Variants in VPS13B observed in about 807,000 individuals in gnomAD.
The protein encoded by VPS13B is vacuolar protein sorting 13 homolog B, also known as intermembrane lipid transfer protein VPS13B.
VPS13B carries 285 observed loss-of-function variants against 426.4 expected under a neutral mutation model. The ratio of observed to expected loss-of-function variants is 0.67; its 90% CI spans 0.61 to 0.74. The LOEUF (loss-of-function observed/expected upper bound fraction) is 0.74. Ranked by LOEUF, VPS13B falls within the 30% of genes least tolerant of loss-of-function variation. The pLI, the probability that VPS13B is intolerant of heterozygous loss-of-function variation, is 0.00. For missense variants in VPS13B, 4,537 were observed against 4,782.6 expected (o/e 0.95, Z 1.51); for synonymous variants, 1,676 against 1,676.4 (o/e 1.00, Z 0.01).
At chr8:99,502,163 T>G (rs1821284308) in intron 26 of VPS13B, among the ~76,000 whole-genome samples, 1 of 152,052 alleles carries the variant, frequency 6.6e-6, no homozygotes, top group Non-Finnish European at 1.5e-5. Context: ...TTTGTATTTT[T>G]AGTAGAGACA....
At chr8:99,747,853 T>A (rs1440492572) in intron 39 of VPS13B, among the ~76,000 whole-genome samples, 1 of 151,994 alleles carries the variant, frequency 6.6e-6, no homozygotes, top group Non-Finnish European at 1.5e-5. Flanking sequence ...ATACTTTTTT[T>A]TTTCTCTTGG....
intron 23 of VPS13B, among the ~76,000 whole-genome samples, chr8:99,443,683 T>G (rs1252004558): frequency 6.6e-6 from 1 of 152,212 alleles, no homozygotes; most frequent in Non-Finnish European, 1.5e-5. Context: ...TATTCCATCT[T>G]ATGGATATAT....
intron 36 of VPS13B, among the ~76,000 whole-genome samples, chr8:99,705,365 A>G (rs762179664): frequency 1.3e-5 from 2 of 152,148 alleles, no homozygotes; most frequent in Non-Finnish European, 2.9e-5. Context: ...CCATAAATGT[A>G]TGAGATACTG....
intron 39 of VPS13B, among the ~76,000 whole-genome samples, chr8:99,722,322 T>C (rs1303266383): frequency 6.6e-6 from 1 of 152,228 alleles, no homozygotes; most frequent in Non-Finnish European, 1.5e-5. Flanking sequence ...ATTTGTTTAC[T>C]TGCGTGTGAT....
intron 2 of VPS13B, among the ~76,000 whole-genome samples, chr8:99,015,331 C>T (rs1192498187): frequency 2.7e-5 from 4 of 150,776 alleles, no homozygotes; most frequent in Non-Finnish European, 5.9e-5. Flanking sequence ...ATTCTCCTGA[C>T]TCAGCCTCCT....
rs552166731 is a variant in VPS13B, at chr8:99,717,025, C to T, written c.6455-146C>T. 5.3e-5 allele frequency: 39 copies of T among 735,730 alleles called. No homozygotes were observed. In the Admixed American group the frequency reaches 6.3e-4, roughly 12 times the overall value. The allele number at this position is 735,730 out of a possible 1,614,324, so 45.6% of individuals were successfully genotyped here. On this transcript the variant is annotated intron_variant, in intron 36 of 61. Coordinates refer to ENST00000357162, the MANE Select transcript of VPS13B (RefSeq NM_152564.5). ...CTTCATAACTAGAACTCTGTATAAA[C>T]GGCATGAAACGGTGGTGGACTGCCA...
At chr8:99,744,165 A>AACAG in intron 39 of VPS13B, among the ~76,000 whole-genome samples, 1 of 152,346 alleles carries the variant, frequency 6.6e-6, no homozygotes, top group South Asian at 2.1e-4. Context: ...GAAGGATATG[A>AACAG]ACAGACGCTT....
At chr8:99,112,413 A>G (rs1175944871) in intron 6 of VPS13B, among the ~76,000 whole-genome samples, 1 of 151,848 alleles carries the variant, frequency 6.6e-6, no homozygotes, top group Non-Finnish European at 1.5e-5. Flanking sequence ...AGTATTTTCT[A>G]TTTTACGTAG....
intron 34 of VPS13B, among the ~76,000 whole-genome samples, chr8:99,660,407 C>T (rs2129752549): frequency 6.6e-6 from 1 of 152,148 alleles, no homozygotes; most frequent in South Asian, 2.1e-4. Context: ...ACTTTAATAA[C>T]ACATTTCAAA....
At chr8:99,363,473 A>G (rs1234409034) in intron 19 of VPS13B, among the ~76,000 whole-genome samples, 1 of 152,060 alleles carries the variant, frequency 6.6e-6, no homozygotes, top group East Asian at 1.9e-4. Context: ...ATTCCATATT[A>G]TTTTTAGGAT....
At chr8:99,082,253 A>G (rs553282870) in intron 3 of VPS13B, among the ~76,000 whole-genome samples, 1 of 152,304 alleles carries the variant, frequency 6.6e-6, no homozygotes, top group Admixed American at 6.5e-5. Flanking sequence ...GGCTGCATAA[A>G]TGTCTTCTTT....
chr8:99,056,132 C>T (rs1484145484), intron 3 of VPS13B, among the ~76,000 whole-genome samples: 1 of 152,016 alleles, frequency 6.6e-6, no homozygotes, highest in African/African-American at 2.4e-5. Flanking sequence ...TCTCAGCTCA[C>T]TGGAACCTCC....
In VPS13B at chr8:99,497,272, ATATT is replaced by A. The variant is rs1345227037; in HGVS notation, c.3871-4411_3871-4408del. Among the ~76,000 whole-genome samples, 141 of 144,096 alleles carry A rather than the reference ATATT, an allele frequency of 9.8e-4. 1 individual carries two copies. The highest frequency in any genetic ancestry group is 1.2e-3 in the Non-Finnish European group (79 of 66,088). 94.5% of individuals were successfully genotyped at this position (144,096 alleles called of 152,430 possible). A position where few individuals can be genotyped will look rare whatever the true frequency, so the allele number is the denominator to read the frequency against. On this transcript the variant is annotated intron_variant, in intron 25 of 61. Coordinates refer to ENST00000357162, the MANE Select transcript of VPS13B (RefSeq NM_152564.5). ...ATGTATTTATGTATCATATATGTAT[ATATT>A]TATATATACATAAAAATGCATATAT...
At chr8:99,259,841 C>G (rs1435130698) in intron 17 of VPS13B, among the ~76,000 whole-genome samples, 2 of 152,034 alleles carry the variant, frequency 1.3e-5, no homozygotes, top group Non-Finnish European at 2.9e-5. Context: ...AATGTAAACT[C>G]ATAATCTAAA....
rs552819297 is a variant in VPS13B at position 99,532,139 on chromosome 8, A to G, written c.4745+11129A>G. 4.6e-5 allele frequency among the ~76,000 whole-genome samples: 7 copies of G among 152,244 alleles called. No individual in the cohort carries two copies. In the South Asian group the frequency reaches 1.2e-3, roughly 27 times the overall value. Reference sequence around the variant, plus strand: ...ATAGGTTTTTGTTCATGCCATGAATATTTCTGGGTTTTCTGAAGTCCCTTC... The same window carrying G: ...ATAGGTTTTTGTTCATGCCATGAATGTTTCTGGGTTTTCTGAAGTCCCTTC... On this transcript the variant is annotated intron_variant, in intron 30 of 61. Transcript: ENST00000357162.
At chr8:99,780,706 GCTGTAATTTT>G (rs768240727) in intron 42 of VPS13B, among the ~76,000 whole-genome samples, 1 of 152,106 alleles carries the variant, frequency 6.6e-6, no homozygotes, top group African/African-American at 2.4e-5. Context: ...TGTAATTGTT[GCTGTAATTTT>G]CTTGTTTCCT....
chr8:99,660,353 T>C (rs1301122113), intron 34 of VPS13B, among the ~76,000 whole-genome samples: 1 of 152,204 alleles, frequency 6.6e-6, no homozygotes, highest in Non-Finnish European at 1.5e-5. Context: ...ATGTAAATAC[T>C]ATTCTTGAAA....
chr8:99,409,180 A>T (rs942600207), intron 21 of VPS13B, among the ~76,000 whole-genome samples: 2 of 152,138 alleles, frequency 1.3e-5, no homozygotes, highest in African/African-American at 2.4e-5. Flanking sequence ...ATGACATATC[A>T]TGAGTTCTAG....
rs768197080 is a variant in VPS13B at position 99,832,540 on chromosome 8, G to A, written c.9502G>A (p.Gly3168Ser). ...CATGCTGGGCTTTTCTCCTGCCCCAGGTGCTGACAGCTCACAGTGCTGGAG... is the reference window on the plus strand; with the variant it reads ...CATGCTGGGCTTTTCTCCTGCCCCAAGTGCTGACAGCTCACAGTGCTGGAG... ...QIMLGFSPAP[G>S]ADSSQCWSLP... The change falls in exon 52 of 62, where the codon GGT becomes AGT. Residue 3168 changes from glycine to serine, a missense_variant. Physicochemically the swap from Gly to Ser is moderately conservative, Grantham distance 56. Around this residue, in one of 2 missense-constraint regions of VPS13B, gnomAD observed 4,311 missense variants for 4,474.3 expected, o/e 0.96. Coordinates refer to ENST00000357162, the MANE Select transcript of VPS13B (RefSeq NM_152564.5). 3.7e-6 allele frequency: 6 copies of A among 1,613,676 alleles called. No homozygotes were observed. In the African/African-American group the frequency reaches 8.0e-5, roughly 22 times the overall value.
Sources: allele counts gnomAD v4.1 joint callset (sites outside exome capture counted in the v4.1 genomes callset), GRCh38; gene constraint gnomAD v4.1.1; regional missense constraint gnomAD v4.1.1; transcripts MANE v1.5; gene names NCBI Gene and HGNC (gene_info 2026-07-23, HGNC 2026-07-21).